The following TIMELESS variants were observed in gnomAD, a reference collection of about 807,000 sequenced individuals.
TIMELESS encodes the protein protein timeless homolog.
TIMELESS carries 124 observed loss-of-function variants against 164.3 expected under a neutral mutation model. The observed-to-expected ratio is 0.75, with a 90% CI of 0.65 to 0.88. TIMELESS has a LOEUF of 0.88. Ranked by LOEUF, TIMELESS falls within the 40% of genes least tolerant of loss-of-function variation. TIMELESS has a pLI of 0.00. For missense variants in TIMELESS, 1,422 were observed against 1,491.4 expected (o/e 0.95, Z 0.77); for synonymous variants, 564 against 563.4 (o/e 1.00, Z -0.02).
chr12:56,429,549 T>G (rs1881800859), intron 10 of TIMELESS, among the ~76,000 whole-genome samples: 1 of 131,004 alleles, frequency 7.6e-6, no homozygotes, highest in Admixed American at 9.4e-5. Flanking sequence ...ATGATGAGGC[T>G]GGAGTGCACT....
intron 26 of TIMELESS, among the ~76,000 whole-genome samples, chr12:56,420,048 ATG>A (rs1363649039): frequency 1.0e-4 from 9 of 87,334 alleles, no homozygotes; most frequent in African/African-American, 4.5e-4. Flanking sequence ...ATATATATAT[ATG>A]TGTGTGTGTG....
At chr12:56,442,782 C>A (rs1868295361) in intron 1 of TIMELESS, among the ~76,000 whole-genome samples, 1 of 152,166 alleles carries the variant, frequency 6.6e-6, no homozygotes, top group South Asian at 2.1e-4. Flanking sequence ...GCTGAAGCCA[C>A]AGCAGAAGAA....
At position 56,422,935 on chromosome 12, in the gene TIMELESS, T is replaced by C; in HGVS notation, c.2350A>G (p.Asn784Asp). ...AACAGCTCCACAAAGGCTTTTTGGT[T>C]GACTGCAGCCAGTGCAAAAAATTTG... ...LGKFFALAAV[N>D]QKAFVELLFW... The change falls in exon 19 of 29, where the codon AAC (asparagine) becomes GAC (aspartate). Residue 784 changes from asparagine (N) to aspartate (D), a missense_variant. Asn to Asp is a conservative substitution (Grantham distance 23). Transcript: ENST00000553532. 6.2e-7 allele frequency: 1 copy of C among 1,613,972 alleles called. No homozygotes were observed. The highest frequency in any genetic ancestry group is 8.5e-7 in the Non-Finnish European group (1 of 1,180,014).
At position 56,423,779 on chromosome 12, in the gene TIMELESS, T is replaced by C; in HGVS notation, c.1966+18A>G. ...GAAAAGAGCTGGAAGGAGACAGATG[T>C]GAAGGGTGGAGACTCACGGGGAAGT... is the stretch of plus-strand genomic sequence containing the variant. On this transcript the variant is annotated intron_variant, in intron 16 of 28. Coordinates refer to ENST00000553532, the MANE Select transcript of TIMELESS (RefSeq NM_003920.5). The C allele has an allele frequency of 1.9e-6, 3 of 1,614,004 alleles. No homozygotes were observed. Among genetic ancestry groups the C allele is most frequent in the Non-Finnish European group, 2.5e-6 (3 of 1,179,988 alleles).
chr12:56,421,527 A>T (rs1328356074), intron 22 of TIMELESS, 34 bp from the exon 23 acceptor site: 1 of 1,596,484 alleles, frequency 6.3e-7, no homozygotes, highest in Non-Finnish European at 8.5e-7. Context: ...ACCCAAGGGT[A>T]ACAGGGAAAG....
intron 7 of TIMELESS, 145 bp from the exon 8 acceptor site, chr12:56,431,749 T>C: frequency 2.0e-6 from 2 of 998,988 alleles, no homozygotes; most frequent in South Asian, 2.2e-5. Context: ...GAGGGGGAAA[T>C]GTTCTAAGAC....
rs562558536 is a variant in TIMELESS at position 56,440,423 on chromosome 12, C to T, written c.-61-6192G>A. Among the ~76,000 whole-genome samples the T allele has an allele frequency of 6.6e-5, 10 of 152,312 alleles. 2 individuals carry two copies. The highest frequency in any genetic ancestry group is 2.4e-4 in the African/African-American group (10 of 41,564). Reference sequence around the variant, plus strand: ...AAGTGCTGGGATACCAGGCATGAGCCACTGCGCCCGACCAAATAAACTTAC... The same window carrying T: ...AAGTGCTGGGATACCAGGCATGAGCTACTGCGCCCGACCAAATAAACTTAC... On this transcript the variant is annotated intron_variant, in intron 1 of 28. Coordinates refer to ENST00000553532, the MANE Select transcript of TIMELESS (RefSeq NM_003920.5).
At position 56,417,895 on chromosome 12, in the gene TIMELESS, CA is replaced by C; in HGVS notation, c.3556+11del. 6.2e-7 allele frequency: 1 copy of C among 1,614,184 alleles called. No homozygotes were observed. The highest frequency in any genetic ancestry group is 8.5e-7 in the Non-Finnish European group (1 of 1,180,028). ...TTAGAGAAGAAAAAGAAGGTCCCAT[CA>C]AATTCCCTACCTCTGTTCCTGCCCT... On this transcript the variant is annotated intron_variant, in intron 28 of 28. Transcript: ENST00000553532.
At position 56,430,300 on chromosome 12, in the gene TIMELESS, G is replaced by A. The variant is rs762461822; in HGVS notation, c.910-19C>T. On this transcript the variant is annotated intron_variant, in intron 9 of 28. Transcript: ENST00000553532. ...TTCGTAGCTGGGTGTGTCGGTTGGGGGATTAGAATTACTCCTAAATACCAC... is the reference window on the plus strand; with the variant it reads ...TTCGTAGCTGGGTGTGTCGGTTGGGAGATTAGAATTACTCCTAAATACCAC... 6.2e-7 allele frequency: 1 copy of A among 1,603,798 alleles called. No homozygotes were observed. The highest frequency in any genetic ancestry group is 1.3e-5 in the African/African-American group (1 of 74,486).
At chr12:56,438,311 C>T (rs1406582115) in intron 1 of TIMELESS, among the ~76,000 whole-genome samples, 1 of 152,138 alleles carries the variant, frequency 6.6e-6, no homozygotes, top group Non-Finnish European at 1.5e-5. Flanking sequence ...TCACAAAGTG[C>T]AGGGATTACA....
intron 1 of TIMELESS, among the ~76,000 whole-genome samples, chr12:56,442,781 A>C (rs1868295319): frequency 6.6e-6 from 1 of 152,246 alleles, no homozygotes; most frequent in African/African-American, 2.4e-5. Context: ...GGCTGAAGCC[A>C]CAGCAGAAGA....
In TIMELESS at chr12:56,420,684, C is replaced by T; in HGVS notation, c.3113G>A (p.Cys1038Tyr). Residue 1038 changes from cysteine (C) to tyrosine (Y), a missense_variant, in exon 26 of 29, where the codon TGC (cysteine) becomes TAC (tyrosine). Coordinates refer to ENST00000553532, the MANE Select transcript of TIMELESS (RefSeq NM_003920.5). ...TGGCACCAATGGAACGGCCTGGGAG[C>T]AGCCTAAGACAGGGTCAATAGTCAT... ...RAADDREEDG[C>Y]SQAVPLVPLT... 1 of 1,614,190 alleles carries T rather than the reference C, an allele frequency of 6.2e-7. No homozygotes were observed. The highest frequency in any genetic ancestry group is 8.5e-7 in the Non-Finnish European group (1 of 1,180,010).
Position 56,447,191 on chromosome 12 carries a change from T to G in TIMELESS, c.-62+2119A>C, listed in dbSNP as rs78549728. Among the ~76,000 whole-genome samples, 412 of 143,980 alleles carry G rather than the reference T, an allele frequency of 2.9e-3. 8 individuals carry two copies. Among genetic ancestry groups the G allele is most frequent in the African/African-American group, 9.3e-3 (364 of 38,968 alleles). The allele number at this position is 143,980 out of a possible 152,430, so 94.5% of individuals were successfully genotyped here. On this transcript the variant is annotated intron_variant, in intron 1 of 28. Coordinates refer to ENST00000553532, the MANE Select transcript of TIMELESS (RefSeq NM_003920.5). ...TACCCAGCTAATTTTTGTTTTTTTTTTTTTTTTTTTTTTTTTTTAGTAGAG... is the reference window on the plus strand; with the variant it reads ...TACCCAGCTAATTTTTGTTTTTTTTGTTTTTTTTTTTTTTTTTTAGTAGAG...
Position 56,428,881 on chromosome 12 carries a change from A to C in TIMELESS, c.1304+2T>G, listed in dbSNP as rs774687290. The C allele has an allele frequency of 6.2e-7, 1 of 1,613,180 alleles. No individual in the cohort carries two copies. Among genetic ancestry groups the C allele is most frequent in the Non-Finnish European group, 8.5e-7 (1 of 1,179,880 alleles). ...TGTATCTCCAGTAACCATCCCACTC[A>C]CCGGCGTGCCCAGGAGGCAGCTTCC... On this transcript the variant is annotated splice_donor_variant, in intron 11 of 28. Coordinates refer to ENST00000553532, the MANE Select transcript of TIMELESS (RefSeq NM_003920.5). LOFTEE classifies it high-confidence loss of function.
chr12:56,422,093 C>T lies in TIMELESS; in HGVS notation c.2524+13G>A. ...CCCTCCTCATAAACTCTCCAGATCCCAAGGCCTCTCACCTTCCACGTCCTT... is the reference window on the plus strand; with the variant it reads ...CCCTCCTCATAAACTCTCCAGATCCTAAGGCCTCTCACCTTCCACGTCCTT... On this transcript the variant is annotated intron_variant, in intron 20 of 28. Coordinates refer to ENST00000553532, the MANE Select transcript of TIMELESS (RefSeq NM_003920.5). 6.2e-7 allele frequency: 1 copy of T among 1,614,082 alleles called. No homozygotes were observed. The highest frequency in any genetic ancestry group is 8.5e-7 in the Non-Finnish European group (1 of 1,179,970).
chr12:56,441,701 C>T (rs1015890979), intron 1 of TIMELESS, among the ~76,000 whole-genome samples: 2 of 151,086 alleles, frequency 1.3e-5, no homozygotes, highest in Non-Finnish European at 3.0e-5. Flanking sequence ...CTGTCAGACT[C>T]TATAGTCAGT....
At chr12:56,429,707 C>A (rs778475401) in intron 10 of TIMELESS, among the ~76,000 whole-genome samples, 5 of 145,444 alleles carry the variant, frequency 3.4e-5, no homozygotes, top group Non-Finnish European at 6.0e-5. Context: ...AGTAGAGATA[C>A]GGTTTCACCA....
In TIMELESS at chr12:56,430,905, G is replaced by A. The variant is rs1881853655; in HGVS notation, c.885C>T (p.Leu295=). 1 of 1,604,442 alleles carries A rather than the reference G, an allele frequency of 6.2e-7. No individual in the cohort carries two copies. The highest frequency in any genetic ancestry group is 8.5e-7 in the Non-Finnish European group (1 of 1,175,736). Residue 295 remains leucine (L), a synonymous_variant, in exon 9 of 29, where the codon CTC becomes CTT. Transcript: ENST00000553532. ...CGTTGTGAAGGCCTTTGTGAAAGAT[G>A]AGGTCCCTCTCCCCAATGGATTTCA... ...QGLKSIGERD[L]IFHKGLHNLR... is the part of the protein sequence containing the mutation.
intron 1 of TIMELESS, among the ~76,000 whole-genome samples, chr12:56,441,847 GC>G (rs1868278395): frequency 6.6e-6 from 1 of 152,292 alleles, no homozygotes; most frequent in Non-Finnish European, 1.5e-5. Flanking sequence ...ACTTTGGGAA[GC>G]CAAGGCGGGT....
Sources: allele counts gnomAD v4.1 joint callset (sites outside exome capture counted in the v4.1 genomes callset), GRCh38; gene constraint gnomAD v4.1.1; transcripts MANE v1.5; gene names NCBI Gene and HGNC (gene_info 2026-07-23, HGNC 2026-07-21).